The following PARD3 variants were observed in gnomAD, a reference collection of about 807,000 sequenced individuals.
PARD3 encodes par-3 family cell polarity regulator.
In PARD3, 75 loss-of-function variants were observed where a neutral mutation model predicts 155.4. The ratio of observed to expected loss-of-function variants is 0.48; its 90% CI spans 0.40 to 0.58. The LOEUF is 0.58. PARD3 is among the 20% of genes least tolerant of loss of function. The probability of loss-of-function intolerance (pLI) is 0.00; values close to 1 mark genes in which losing one functional copy is unlikely to be tolerated. For missense variants in PARD3, 1,642 were observed against 1,721.7 expected, an observed-to-expected ratio of 0.95 and a Z score of 0.82; for synonymous variants, 576 against 610.5, an observed-to-expected ratio of 0.94 and a Z score of 0.83.
intron 22 of PARD3, among the ~76,000 whole-genome samples, chr10:34,171,556 C>T (rs887998951): frequency 6.6e-5 from 10 of 152,132 alleles, no homozygotes; most frequent in African/African-American, 2.2e-4. Context: ...ACTGTTTCAA[C>T]GCATGAGACT....
chr10:34,276,052 A>G (rs1169778239), intron 21 of PARD3, among the ~76,000 whole-genome samples: 3 of 152,186 alleles, frequency 2.0e-5, no homozygotes, highest in African/African-American at 7.2e-5. Flanking sequence ...AAAAAGAACT[A>G]TTCTGAAGTT....
intron 3 of PARD3, among the ~76,000 whole-genome samples, chr10:34,509,166 T>G (rs1281485594): frequency 2.0e-5 from 3 of 152,080 alleles, no homozygotes; most frequent in Admixed American, 2.0e-4. Context: ...AAAATCTGGG[T>G]GGGGAAAAAA....
intron 1 of PARD3, among the ~76,000 whole-genome samples, chr10:34,724,742 G>C (rs1013714946): frequency 2.6e-5 from 4 of 152,146 alleles, no homozygotes; most frequent in African/African-American, 9.7e-5. Context: ...AAGAGCTCTG[G>C]GGATAGGTCA....
intron 1 of PARD3, among the ~76,000 whole-genome samples, chr10:34,747,954 C>T (rs887985918): frequency 1.1e-4 from 16 of 152,162 alleles, no homozygotes; most frequent in African/African-American, 2.2e-4. Context: ...CATGGTCACA[C>T]GACAGTTTCC....
At chr10:34,782,657 C>T (rs1437682447) in intron 1 of PARD3, among the ~76,000 whole-genome samples, 1 of 152,150 alleles carries the variant, frequency 6.6e-6, no homozygotes, top group Non-Finnish European at 1.5e-5. Context: ...TTTCTCCCAT[C>T]CCCACTCTAC....
At chr10:34,398,746 T>C (rs116548298) in intron 7 of PARD3, among the ~76,000 whole-genome samples, 1 of 152,262 alleles carries the variant, frequency 6.6e-6, no homozygotes, top group African/African-American at 2.4e-5. Flanking sequence ...TGACATAACA[T>C]TTGAAGTTTT....
chr10:34,471,747 C>T (rs748625676), intron 3 of PARD3, among the ~76,000 whole-genome samples: 22 of 152,206 alleles, frequency 1.4e-4, no homozygotes, highest in Admixed American at 2.0e-4. Context: ...TTAGTAGAGA[C>T]GGGGTTTCAC....
At chr10:34,616,928 C>A (rs1010430553) in intron 2 of PARD3, among the ~76,000 whole-genome samples, 1 of 123,662 alleles carries the variant, frequency 8.1e-6, no homozygotes, top group Non-Finnish European at 1.6e-5. Flanking sequence ...GAGCACCTGT[C>A]TCAAAAAAAA....
At chr10:34,605,076 T>G (rs1456002908) in intron 2 of PARD3, among the ~76,000 whole-genome samples, 1 of 151,998 alleles carries the variant, frequency 6.6e-6, no homozygotes, top group African/African-American at 2.4e-5. Flanking sequence ...CTCTAATTAT[T>G]AATGAAAATA....
At chr10:34,496,860 T>C (rs957392817) in intron 3 of PARD3, among the ~76,000 whole-genome samples, 1 of 152,246 alleles carries the variant, frequency 6.6e-6, no homozygotes, top group African/African-American at 2.4e-5. Flanking sequence ...TAAGTATTTT[T>C]GTTATTAAAC....
chr10:34,241,481 A>G (rs2133658584), intron 22 of PARD3, among the ~76,000 whole-genome samples: 1 of 152,296 alleles, frequency 6.6e-6, no homozygotes. Context: ...ACAGAAGTGA[A>G]AAAGCAAAGA....
intron 19 of PARD3, among the ~76,000 whole-genome samples, chr10:34,318,952 T>C (rs936058396): frequency 2.0e-5 from 3 of 148,692 alleles, no homozygotes; most frequent in Non-Finnish European, 4.5e-5. Context: ...TTTTTAGTAG[T>C]TTTGTATTTT....
intron 22 of PARD3, among the ~76,000 whole-genome samples, chr10:34,167,683 G>C (rs1442032613): frequency 6.6e-6 from 1 of 152,110 alleles, no homozygotes; most frequent in Non-Finnish European, 1.5e-5. Context: ...AAAACGTTTT[G>C]CTTAAGGGTA....
At chr10:34,470,384 C>A (rs2078272726) in intron 3 of PARD3, 121 bp from the exon 4 acceptor site, 2 of 671,132 alleles carry the variant, frequency 3.0e-6, no homozygotes, top group East Asian at 5.9e-5. Context: ...TAAAAGGGGA[C>A]AAGTGGGTCA....
At chr10:34,625,535 CG>C (rs1564431779) in intron 2 of PARD3, among the ~76,000 whole-genome samples, 1 of 152,186 alleles carries the variant, frequency 6.6e-6, no homozygotes, top group Middle Eastern at 3.2e-3. Context: ...AGTACAAGCT[CG>C]GTCATTTCCT....
At chr10:34,550,178 C>T (rs1226644863) in intron 2 of PARD3, among the ~76,000 whole-genome samples, 7 of 152,124 alleles carry the variant, frequency 4.6e-5, no homozygotes, top group East Asian at 1.9e-4. Context: ...AGGAGGACAC[C>T]GTCCTTGCAC....
chr10:34,685,932 T>C (rs1390339451), intron 2 of PARD3, among the ~76,000 whole-genome samples: 1 of 152,194 alleles, frequency 6.6e-6, no homozygotes, highest in Non-Finnish European at 1.5e-5. Flanking sequence ...AGTAATCATA[T>C]GATGCCACAT....
intron 2 of PARD3, among the ~76,000 whole-genome samples, chr10:34,575,371 T>C (rs1236768423): frequency 6.6e-6 from 1 of 152,232 alleles, no homozygotes; most frequent in African/African-American, 2.4e-5. Flanking sequence ...GATTTTAAAC[T>C]CTTGGGACAT....
intron 3 of PARD3, among the ~76,000 whole-genome samples, chr10:34,472,905 TTAAGA>T (rs2078447468): frequency 1.3e-5 from 2 of 152,200 alleles, no homozygotes; most frequent in Admixed American, 1.3e-4. Context: ...GACCATCTTC[TTAAGA>T]TTAGACACAA....
Sources: gnomAD v4.1 joint callset for allele counts (sites outside exome capture counted in the v4.1 genomes callset) on GRCh38, gnomAD v4.1.1 for gene constraint, MANE v1.5 for transcripts, NCBI Gene and HGNC (gene_info 2026-07-23, HGNC 2026-07-21) for gene names.